TMEM182: variants seen among roughly 807,000 people sequenced by gnomAD.
TMEM182 encodes transmembrane protein 182.
In TMEM182, 20 loss-of-function variants were observed where a neutral mutation model predicts 26.8. The observed-to-expected ratio is 0.75, with a 90% CI of 0.53 to 1.09. The LOEUF (loss-of-function observed/expected upper bound fraction) is 1.09, where lower values mean the gene tolerates loss of function less well. TMEM182 is among the 50% of genes least tolerant of loss of function. The pLI is 0.00. For missense variants in TMEM182, 277 were observed against 275.5 expected (o/e 1.01, Z -0.04); for synonymous variants, 109 against 102.2 (o/e 1.07, Z -0.40).
chr2:102,796,210 T>C (rs1393669901), intron 3 of TMEM182, among the ~76,000 whole-genome samples: 1 of 152,158 alleles, frequency 6.6e-6, no homozygotes, highest in Non-Finnish European at 1.5e-5. Flanking sequence ...GCCAAATCCA[T>C]GAGGAAAAAA....
intron 3 of TMEM182, chr2:102,834,471 G>T: frequency 1.0e-6 from 1 of 982,918 alleles, no homozygotes; most frequent in Non-Finnish European, 1.2e-6. Context: ...AGTGCCCCAT[G>T]GTCTCCAACC....
chr2:102,754,136 C>T (rs182855365), intron 1 of TMEM182, among the ~76,000 whole-genome samples: 99 of 152,230 alleles, frequency 6.5e-4, no homozygotes, highest in African/African-American at 2.3e-3. Flanking sequence ...AATTGTTCTT[C>T]GGGTCATCTC....
At chr2:102,784,324 T>G (rs1681296314) in intron 3 of TMEM182, among the ~76,000 whole-genome samples, 1 of 151,942 alleles carries the variant, frequency 6.6e-6, no homozygotes, top group East Asian at 1.9e-4. Flanking sequence ...TAAGGCTCTG[T>G]AAGAAAGAAA....
intron 3 of TMEM182, among the ~76,000 whole-genome samples, chr2:102,824,879 A>G (rs978725096): frequency 2.0e-5 from 3 of 152,184 alleles, no homozygotes; most frequent in Non-Finnish European, 2.9e-5. Context: ...GCCTTCTGCC[A>G]TGATTGAAAG....
At chr2:102,804,651 A>G (rs759315777) in intron 4 of TMEM182, among the ~76,000 whole-genome samples, 1 of 152,228 alleles carries the variant, frequency 6.6e-6, no homozygotes, top group Non-Finnish European at 1.5e-5. Context: ...GGAGAAAACC[A>G]AAAGCATAGC....
chr2:102,783,029 G>C (rs143834460), intron 3 of TMEM182, among the ~76,000 whole-genome samples: 1 of 152,296 alleles, frequency 6.6e-6, no homozygotes, highest in East Asian at 1.9e-4. Flanking sequence ...GTTAAGGAAA[G>C]TGAAATGTCT....
intron 1 of TMEM182, among the ~76,000 whole-genome samples, chr2:102,756,556 A>G (rs981115356): frequency 2.0e-5 from 3 of 151,924 alleles, no homozygotes; most frequent in Non-Finnish European, 1.5e-5. Context: ...AAAAACACAA[A>G]AAATTAGCCA....
intron 3 of TMEM182, among the ~76,000 whole-genome samples, chr2:102,841,804 C>G (rs1683356833): frequency 6.6e-6 from 1 of 152,172 alleles, no homozygotes; most frequent in African/African-American, 2.4e-5. Flanking sequence ...TGGGAGGTAA[C>G]TTGATGGCAT....
upstream of TMEM182, among the ~76,000 whole-genome samples, chr2:102,757,876 T>A (rs1268603107): frequency 6.6e-6 from 1 of 152,168 alleles, no homozygotes; most frequent in African/African-American, 2.4e-5. Flanking sequence ...TTCTTCACAA[T>A]GTGGCAGGAA....
intron 3 of TMEM182, among the ~76,000 whole-genome samples, chr2:102,785,028 G>A (rs971020631): frequency 1.3e-5 from 2 of 152,186 alleles, no homozygotes; most frequent in Non-Finnish European, 2.9e-5. Context: ...AGATGGAGTT[G>A]CTCTGGTTCC....
chr2:102,834,920 C>T (rs560263157), intron 3 of TMEM182, among the ~76,000 whole-genome samples: 4 of 152,192 alleles, frequency 2.6e-5, no homozygotes, highest in Non-Finnish European at 5.9e-5. Flanking sequence ...GGGCCTCACC[C>T]GTTTCACCTG....
rs1407678446 is a variant in TMEM182, at chr2:102,817,377, A to G, written c.*2409A>G. 12 of 985,332 alleles carry G rather than the reference A, an allele frequency of 1.2e-5. No homozygotes were observed. The highest frequency in any genetic ancestry group is 7.0e-5 in the African/African-American group (4 of 57,250). 61.0% of individuals were successfully genotyped at this position (985,332 alleles called of 1,614,324 possible). A position where few individuals can be genotyped will look rare whatever the true frequency, so the allele number is the denominator to read the frequency against. ...TCAGTTACACTTTTAGAAAGAGTGA[A>G]TAAAAAGGGCAGTGAGTTATGCTCT... On this transcript the variant is annotated 3_prime_UTR_variant, in exon 5 of 5. Coordinates refer to ENST00000412401, the MANE Select transcript of TMEM182 (RefSeq NM_144632.5).
chr2:102,740,970 T>C (rs1406413742), intron 1 of TMEM182, among the ~76,000 whole-genome samples: 1 of 152,214 alleles, frequency 6.6e-6, no homozygotes, highest in Non-Finnish European at 1.5e-5. Flanking sequence ...AAGGAACACA[T>C]GCTCTATGAT....
chr2:102,824,588 G>T (rs1447858303), intron 3 of TMEM182, among the ~76,000 whole-genome samples: 2 of 152,156 alleles, frequency 1.3e-5, no homozygotes, highest in African/African-American at 4.8e-5. Flanking sequence ...ACTTTGGGAG[G>T]CCGAGGTGGG....
At chr2:102,776,219 G>T (rs1680909658) in intron 3 of TMEM182, among the ~76,000 whole-genome samples, 1 of 152,128 alleles carries the variant, frequency 6.6e-6, no homozygotes, top group Admixed American at 6.6e-5. Context: ...CACTCTTTGT[G>T]TTAGGCACTG....
intron 1 of TMEM182, chr2:102,737,145 TAGG>T (rs1679376846): frequency 8.1e-6 from 2 of 245,938 alleles, no homozygotes; most frequent in Admixed American, 1.1e-4. Context: ...GGAGTTGTGC[TAGG>T]AGGTGACCAA....
At chr2:102,756,445 C>T (rs1221198258) in intron 1 of TMEM182, among the ~76,000 whole-genome samples, 1 of 152,118 alleles carries the variant, frequency 6.6e-6, no homozygotes, top group East Asian at 1.9e-4. Flanking sequence ...CAGTGGCTCA[C>T]GCCTGTAATC....
downstream of TMEM182, among the ~76,000 whole-genome samples, chr2:102,822,534 A>G (rs1341645544): frequency 6.6e-6 from 1 of 152,114 alleles, no homozygotes; most frequent in Non-Finnish European, 1.5e-5. Context: ...AGGGGCGGGA[A>G]TGGAAGCCAG....
chr2:102,835,894 G>A (rs1241291162), intron 3 of TMEM182, among the ~76,000 whole-genome samples: 1 of 132,910 alleles, frequency 7.5e-6, no homozygotes, highest in Non-Finnish European at 1.5e-5. Context: ...TCCCCTTCCT[G>A]TGTCCATGTG....
Sources: gnomAD v4.1 joint callset for allele counts (sites outside exome capture counted in the v4.1 genomes callset) on GRCh38, gnomAD v4.1.1 for gene constraint, MANE v1.5 for transcripts, NCBI Gene and HGNC (gene_info 2026-07-23, HGNC 2026-07-21) for gene names.